GLIS3: variants seen among roughly 807,000 people sequenced by gnomAD.
GLIS3 encodes the protein GLIS family zinc finger 3.
Under a neutral mutation model 78.6 loss-of-function variants are expected in GLIS3, and 53 were observed. That is an observed-to-expected ratio of 0.67 (90% CI 0.54 to 0.85). The LOEUF (loss-of-function observed/expected upper bound fraction) is 0.85. Ranked by LOEUF, GLIS3 falls within the 40% of genes least tolerant of loss-of-function variation. The probability of loss-of-function intolerance (pLI) is 0.00; values close to 1 mark genes in which losing one functional copy is unlikely to be tolerated. For missense variants in GLIS3, 1,703 were observed against 1,231.1 expected (o/e 1.38, Z -5.74); for synonymous variants, 684 against 509.9 (o/e 1.34, Z -4.60).
chr9:4,379,597 T>C, the GLIS3 span, among the ~76,000 whole-genome samples: 3 of 152,178 alleles, frequency 2.0e-5, no homozygotes, highest in South Asian at 2.1e-4. Context: ...TTCATTGCCA[T>C]TGGGTGGTGG....
At chr9:4,071,166 T>G (rs919802354) in intron 4 of GLIS3, 1 of 152,190 alleles carries the variant, frequency 6.6e-6, no homozygotes, top group Admixed American at 6.5e-5. Context: ...CAATGCAACG[T>G]TGGGAGGCAT....
At chr9:4,453,361 A>G in the GLIS3 span, among the ~76,000 whole-genome samples, 50 of 144,290 alleles carry the variant, frequency 3.5e-4, no homozygotes, top group African/African-American at 5.0e-4. Context: ...AAAAAAAAAA[A>G]AAAGAAAAAA....
intron 2 of GLIS3, among the ~76,000 whole-genome samples, chr9:4,279,718 T>C (rs1477101391): frequency 6.6e-6 from 1 of 152,050 alleles, no homozygotes; most frequent in African/African-American, 2.4e-5. Flanking sequence ...TAGCTGTGTG[T>C]TTTTCTCCAC....
intron 2 of GLIS3, among the ~76,000 whole-genome samples, chr9:4,175,015 G>A (rs1477684958): frequency 6.6e-6 from 1 of 152,114 alleles, no homozygotes; most frequent in East Asian, 1.9e-4. Context: ...AATTGACAGG[G>A]GCAGGCCCTC....
the GLIS3 span, among the ~76,000 whole-genome samples, chr9:4,410,594 C>T: frequency 3.9e-5 from 6 of 152,088 alleles, no homozygotes; most frequent in East Asian, 1.2e-3. Context: ...TGCTTTGATC[C>T]AGCACAAAGT....
chr9:3,918,845 A>G (rs887720673), intron 6 of GLIS3, among the ~76,000 whole-genome samples: 3 of 152,216 alleles, frequency 2.0e-5, no homozygotes, highest in African/African-American at 7.2e-5. Flanking sequence ...TAGAGGTCCA[A>G]TTTCAACCAA....
chr9:3,859,991 G>C (rs1385055481), intron 8 of GLIS3, among the ~76,000 whole-genome samples: 1 of 152,064 alleles, frequency 6.6e-6, no homozygotes, highest in Non-Finnish European at 1.5e-5. Flanking sequence ...AAATCCTCTG[G>C]GGGGCCAAGC....
intron 2 of GLIS3, among the ~76,000 whole-genome samples, chr9:4,251,545 A>C (rs1319524491): frequency 1.3e-5 from 2 of 151,638 alleles, no homozygotes; most frequent in African/African-American, 4.8e-5. Context: ...CACACCAATG[A>C]GTCTTGAGTC....
the GLIS3 span, among the ~76,000 whole-genome samples, chr9:4,384,102 C>T: frequency 6.6e-6 from 1 of 152,272 alleles, no homozygotes; most frequent in Non-Finnish European, 1.5e-5. Context: ...AAGTTGTGGC[C>T]TTTGGGGGTT....
chr9:4,387,024 C>T, the GLIS3 span, among the ~76,000 whole-genome samples: 1 of 152,142 alleles, frequency 6.6e-6, no homozygotes, highest in African/African-American at 2.4e-5. Flanking sequence ...GTGTCTTCAC[C>T]TGGAACTTTT....
intron 4 of GLIS3, among the ~76,000 whole-genome samples, chr9:4,032,153 T>A (rs139303322): frequency 6.6e-6 from 1 of 152,188 alleles, no homozygotes; most frequent in Non-Finnish European, 1.5e-5. Context: ...CTGTGCAGAC[T>A]GCCTGATGTA....
At chr9:4,075,985 C>A (rs1814506384) in intron 4 of GLIS3, among the ~76,000 whole-genome samples, 1 of 152,150 alleles carries the variant, frequency 6.6e-6, no homozygotes, top group African/African-American at 2.4e-5. Context: ...AAAGGAACAC[C>A]TCACGAAGAA....
At chr9:4,036,883 G>A (rs1327949020) in intron 4 of GLIS3, among the ~76,000 whole-genome samples, 1 of 152,114 alleles carries the variant, frequency 6.6e-6, no homozygotes, top group African/African-American at 2.4e-5. Flanking sequence ...TGATCTCCAG[G>A]AGAAATAAAG....
At chr9:3,887,155 CTA>C (rs1822135845) in intron 7 of GLIS3, among the ~76,000 whole-genome samples, 1 of 152,082 alleles carries the variant, frequency 6.6e-6, no homozygotes, top group South Asian at 2.1e-4. Flanking sequence ...GCAGTGTAGA[CTA>C]TCATTATCCA....
At chr9:4,001,588 T>C (rs1459123311) in intron 4 of GLIS3, among the ~76,000 whole-genome samples, 1 of 152,222 alleles carries the variant, frequency 6.6e-6, no homozygotes, top group African/African-American at 2.4e-5. Context: ...TTACTGTTCA[T>C]TTTCTTTAAA....
intron 4 of GLIS3, among the ~76,000 whole-genome samples, chr9:4,054,865 G>C (rs959424904): frequency 6.6e-6 from 1 of 152,116 alleles, no homozygotes; most frequent in Admixed American, 6.5e-5. Context: ...ACCACATTGG[G>C]TTTTCAAGGC....
chr9:3,840,072 G>A (rs368155445), intron 9 of GLIS3, among the ~76,000 whole-genome samples: 4 of 152,156 alleles, frequency 2.6e-5, no homozygotes, highest in East Asian at 3.9e-4. Context: ...TTTCTTGAGC[G>A]TCATTTTCTT....
chr9:4,348,977 C>G (rs1289486033), upstream of GLIS3, among the ~76,000 whole-genome samples: 1 of 152,114 alleles, frequency 6.6e-6, no homozygotes, highest in Non-Finnish European at 1.5e-5. Flanking sequence ...ACTCAGCAAA[C>G]ATCCAGTAAA....
chr9:3,845,362 G>T (rs1006160146), intron 9 of GLIS3, among the ~76,000 whole-genome samples: 2 of 152,208 alleles, frequency 1.3e-5, no homozygotes, highest in African/African-American at 4.8e-5. Context: ...GGGCATATGG[G>T]CATATACATA....
Sources: allele counts gnomAD v4.1 joint callset (sites outside exome capture counted in the v4.1 genomes callset), GRCh38; gene constraint gnomAD v4.1.1; transcripts MANE v1.5; gene names NCBI Gene and HGNC (gene_info 2026-07-23, HGNC 2026-07-21).